Variants in PER3 observed in about 807,000 individuals in gnomAD.
PER3 encodes period circadian regulator 3, also known as period circadian protein homolog 3.
A neutral mutation model predicts 127.2 loss-of-function variants in PER3; 107 were observed. The ratio of observed to expected loss-of-function variants is 0.84; its 90% CI spans 0.72 to 0.99. The LOEUF is 0.99. Among genes scored for constraint, PER3 ranks in the 50% least tolerant of loss-of-function variants. PER3 has a pLI of 0.00. For missense variants in PER3, 1,560 were observed against 1,525.8 expected (o/e 1.02, Z -0.37); for synonymous variants, 618 against 585.8 (o/e 1.05, Z -0.79).
At chr1:7,803,981 G>A (rs2150728520) in intron 10 of PER3, 133 bp downstream of exon 10, 2 of 690,684 alleles carry the variant, frequency 2.9e-6, no homozygotes, top group South Asian at 1.9e-5. Context: ...GTGCTTTGGG[G>A]AGACAGTTTG....
At position 7,808,996 on chromosome 1, in the gene PER3, CAGGTA is replaced by C; in HGVS notation, c.1242+3_1242+7del. The C allele has an allele frequency of 2.2e-5, 31 of 1,430,414 alleles. No homozygotes were observed. Among genetic ancestry groups the C allele is most frequent in the Non-Finnish European group, 3.0e-5 (30 of 1,015,576 alleles). The allele number at this position is 1,430,414 out of a possible 1,614,324, so 88.6% of individuals were successfully genotyped here. On this transcript the variant is annotated splice_donor_variant and splice_donor_region_variant and coding_sequence_variant and intron_variant, in exon 11 of 22. Transcript: ENST00000377532. LOFTEE classifies it high-confidence loss of function. ...AGAACAAATTTACAAACTTCTCTTA[CAGGTA>C]AGGTGAGATTGTTAAAAATGCAAAG...
At position 7,827,318 on chromosome 1, in the gene PER3, G is replaced by A. The variant is rs1185608754; in HGVS notation, c.2389G>A (p.Ala797Thr). Residue 797 changes from alanine to threonine, a missense_variant, in exon 18 of 22, where the codon GCC becomes ACC. Ala to Thr is a moderately conservative substitution (Grantham distance 58). Transcript: ENST00000377532. ...CTCGAGCCCGACCTTCCCACCTGCC[G>A]CCATGGTGCCCAGCCAGGCCCCTTA... ...HTSSPTFPPA[A>T]MVPSQAPYLV... 3.1e-6 allele frequency: 5 copies of A among 1,613,580 alleles called. No individual in the cohort carries two copies. The highest frequency in any genetic ancestry group is 3.4e-6 in the Non-Finnish European group (4 of 1,179,846).
rs562959657 is a variant in PER3 at position 7,810,559 on chromosome 1, A to G, written c.1493A>G (p.Asn498Ser). ...KPVTGTRTEP[N>S]GGGESANGGG... ...GTGACGGGGACACGCACAGAACCGA[A>G]TGGTGGTGGTGAGTCAGCGAATGGT... The change falls in exon 13 of 22, where the codon AAT becomes AGT. Residue 498 changes from asparagine (N) to serine (S), a missense_variant. Asn to Ser is a conservative substitution (Grantham distance 46, BLOSUM62 1). Coordinates refer to ENST00000377532, the MANE Select transcript of PER3 (RefSeq NM_001377275.1). The G allele has an allele frequency of 1.2e-5, 20 of 1,612,154 alleles. No homozygotes were observed. The East Asian group carries it at 3.3e-4, about 27-fold the overall frequency.
In PER3 at chr1:7,820,533, G is replaced by C; in HGVS notation, c.1850G>C (p.Gly617Ala). ...MPTNGRSIDTGGGAPQILSTA... is the reference protein window; with the variant it reads ...MPTNGRSIDTAGGAPQILSTA... ...ACAAATGGACGGTCCATAGACACAGGAGGAGGAGCTCCACAGATCCTGTCC... is the reference window on the plus strand; with the variant it reads ...ACAAATGGACGGTCCATAGACACAGCAGGAGGAGCTCCACAGATCCTGTCC... Residue 617 changes from glycine (G) to alanine (A), a missense_variant, in exon 16 of 22, where the codon GGA (glycine) becomes GCA (alanine). Around this residue, in one of 3 missense-constraint regions of PER3, gnomAD observed 1,332 missense variants for 1,223.6 expected, o/e 1.09. Coordinates refer to ENST00000377532, the MANE Select transcript of PER3 (RefSeq NM_001377275.1). 6.2e-7 allele frequency: 1 copy of C among 1,614,066 alleles called. No individual in the cohort carries two copies. Among genetic ancestry groups the C allele is most frequent in the Non-Finnish European group, 8.5e-7 (1 of 1,179,950 alleles).
At chr1:7,805,321 T>G (rs2097188168) in intron 10 of PER3, among the ~76,000 whole-genome samples, 1 of 152,198 alleles carries the variant, frequency 6.6e-6, no homozygotes, top group African/African-American at 2.4e-5. Flanking sequence ...TATACAGCAT[T>G]GTCTACATGA....
At chr1:7,801,922 G>T (rs11807985) in intron 8 of PER3, among the ~76,000 whole-genome samples, 12,556 of 151,988 alleles carry the variant, frequency 0.083, 590 homozygotes, top group Middle Eastern at 0.21. Context: ...AAGCAAAAAT[G>T]TCAGAAACAT....
At chr1:7,794,618 T>C (rs1002712074) in intron 6 of PER3, among the ~76,000 whole-genome samples, 10 of 152,166 alleles carry the variant, frequency 6.6e-5, no homozygotes, top group African/African-American at 2.4e-4. Flanking sequence ...TTTGGGCTCT[T>C]TTTTGTTTAG....
At chr1:7,822,395 A>G (rs228693) in intron 16 of PER3, among the ~76,000 whole-genome samples, 88,685 of 151,592 alleles carry the variant, frequency 0.59, 26,675 homozygotes, top group Middle Eastern at 0.73. Context: ...AGCTGGGATT[A>G]CAGGCCCCGC....
chr1:7,784,720 AT>A lies in PER3; in HGVS notation c.-157del. 1.5e-6 allele frequency: 1 copy of A among 661,740 alleles called. No individual in the cohort carries two copies. The highest frequency in any genetic ancestry group is 2.3e-6 in the Non-Finnish European group (1 of 439,250). 41.0% of individuals were successfully genotyped at this position (661,740 alleles called of 1,614,324 possible). A position where few individuals can be genotyped will look rare whatever the true frequency, so the allele number is the denominator to read the frequency against. ...TGTTGGAGGGAAAAGCTCCTCGGAG[AT>A]GAGCGTGACCCCCTGGCTCGTGGTG... On this transcript the variant is annotated 5_prime_UTR_variant, in exon 2 of 22. The change abolishes an upstream ATG in the 5' untranslated region. Transcript: ENST00000377532.
intron 11 of PER3, among the ~76,000 whole-genome samples, chr1:7,809,423 G>A (rs1273726509): frequency 2.0e-5 from 3 of 152,130 alleles, no homozygotes; most frequent in Non-Finnish European, 4.4e-5. Flanking sequence ...TTCTACAAGA[G>A]ATTCAATGAA....
At chr1:7,836,020 C>T (rs576290959) in intron 20 of PER3, 75 bp downstream of exon 20, 26 of 1,027,516 alleles carry the variant, frequency 2.5e-5, no homozygotes, top group African/African-American at 1.6e-4. Flanking sequence ...TTTTTTGAGA[C>T]GGAGTCTCGC....
At position 7,803,405 on chromosome 1, in the gene PER3, A is replaced by C. The variant is rs534952547; in HGVS notation, c.979+252A>C. Among the ~76,000 whole-genome samples the C allele has an allele frequency of 1.1e-4, 15 of 141,112 alleles. No homozygotes were observed. In the East Asian group the frequency reaches 2.7e-3, roughly 26 times the overall value. The allele number at this position is 141,112 out of a possible 152,430, so 92.6% of individuals were successfully genotyped here. On this transcript the variant is annotated intron_variant, in intron 9 of 21. Transcript: ENST00000377532. The stretch of plus-strand genomic sequence containing the variant: ...GGAGTTGGAGACCAGCCTGGCCAAC[A>C]TGGTGTAACCCATCTATACTAAAAG...
intron 6 of PER3, among the ~76,000 whole-genome samples, chr1:7,797,314 G>C (rs12723500): frequency 0.1 from 15,956 of 152,116 alleles, 1,243 homozygotes; most frequent in Non-Finnish European, 0.15. Flanking sequence ...AGTGGGAGAA[G>C]ATTCTGTAGT....
intron 16 of PER3, 22 bp downstream of exon 16, chr1:7,820,662 T>G (rs1413064149): frequency 6.4e-7 from 1 of 1,573,530 alleles, no homozygotes; most frequent in Admixed American, 1.9e-5. Flanking sequence ...GCCTCTTACT[T>G]TGAAAATATA....
In PER3 at chr1:7,827,353, A is replaced by G. The variant is rs747784418; in HGVS notation, c.2424A>G (p.Pro808=). 2.5e-6 allele frequency: 4 copies of G among 1,613,980 alleles called. No homozygotes were observed. The South Asian group carries it at 3.3e-5, about 13-fold the overall frequency. Reference sequence around the variant, plus strand: ...CCAGCCAGGCCCCTTACCTCGTCCCAGCTTTTCCCCTCCCAGCCGCGACCT... The same window carrying G: ...CCAGCCAGGCCCCTTACCTCGTCCCGGCTTTTCCCCTCCCAGCCGCGACCT... ...MVPSQAPYLV[P]AFPLPAATSP... Residue 808 remains proline (P), a synonymous_variant, in exon 18 of 22, where the codon CCA becomes CCG. Coordinates refer to ENST00000377532, the MANE Select transcript of PER3 (RefSeq NM_001377275.1).
At position 7,827,568 on chromosome 1, in the gene PER3, G is replaced by C; in HGVS notation, c.2639G>C (p.Gly880Ala). ...TCGTTTTTGCCATGTCCATTCCTGG[G>C]GGCGACAGCCTCTTCTGCGATATCA... ...SPSFLPCPFL[G>A]ATASSAISPS... Residue 880 changes from glycine to alanine, a missense_variant, in exon 18 of 22, where the codon GGG becomes GCG. Gly to Ala is a moderately conservative substitution (Grantham distance 60). Coordinates refer to ENST00000377532, the MANE Select transcript of PER3 (RefSeq NM_001377275.1). 2 of 1,614,150 alleles carry C rather than the reference G, an allele frequency of 1.2e-6. No individual in the cohort carries two copies. The highest frequency in any genetic ancestry group is 1.7e-6 in the Non-Finnish European group (2 of 1,180,028).
intron 8 of PER3, 54 bp downstream of exon 8, chr1:7,801,245 G>A (rs959643327): frequency 1.5e-5 from 14 of 929,898 alleles, no homozygotes; most frequent in African/African-American, 5.0e-5. Context: ...AAATATAAAT[G>A]TGAAGAAGAT....
intron 21 of PER3, among the ~76,000 whole-genome samples, chr1:7,840,978 G>T (rs77209938): frequency 0.049 from 7,392 of 152,282 alleles, 625 homozygotes; most frequent in East Asian, 0.27. Flanking sequence ...CTTTCTCAGA[G>T]ACTTTTGCTA....
At chr1:7,810,354 G>T in intron 12 of PER3, 84 bp from the exon 13 acceptor site, 1 of 990,084 alleles carries the variant, frequency 1.0e-6, no homozygotes, top group Non-Finnish European at 1.5e-6. Context: ...CAAAGAAACA[G>T]AAGCTAAGTG....
Sources: allele counts gnomAD v4.1 joint callset (sites outside exome capture counted in the v4.1 genomes callset), GRCh38; gene constraint gnomAD v4.1.1; regional missense constraint gnomAD v4.1.1; transcripts MANE v1.5; gene names NCBI Gene and HGNC (gene_info 2026-07-23, HGNC 2026-07-21).